NR4A2: variants seen among roughly 807,000 people sequenced by gnomAD.
NR4A2 encodes the protein NGFI-B/nur77 beta-type transcription factor homolog.
In NR4A2, 1 loss-of-function variant was observed where a neutral mutation model predicts 50.5. The observed-to-expected ratio is 0.02, with a 90% CI of 0.01 to 0.09. NR4A2 has a LOEUF of 0.09. NR4A2 is among the 10% of genes least tolerant of loss of function. The probability of loss-of-function intolerance (pLI) is 1.00; values close to 1 mark genes in which losing one functional copy is unlikely to be tolerated. For missense variants in NR4A2, 613 were observed against 777.3 expected, an observed-to-expected ratio of 0.79 and a Z score of 2.51; for synonymous variants, 328 against 309.4, an observed-to-expected ratio of 1.06 and a Z score of -0.63.
At position 156,324,909 on chromosome 2, in the gene NR4A2, A is replaced by C. The variant is rs907315268; in HGVS notation, c.*835T>G. ...TTTCTGATGTGTAATACTTGTGCCC[A>C]CCTATTTTACAATTGAGAAAATGTT... is the stretch of plus-strand genomic sequence containing the variant. On this transcript the variant is annotated 3_prime_UTR_variant, in exon 8 of 8. Transcript: ENST00000339562. 6.6e-6 allele frequency: 1 copy of C among 152,632 alleles called. No homozygotes were observed. The highest frequency in any genetic ancestry group is 1.5e-5 in the Non-Finnish European group (1 of 68,020). 9.5% of individuals were successfully genotyped at this position (152,632 alleles called of 1,614,324 possible). A position where few individuals can be genotyped will look rare whatever the true frequency, so the allele number is the denominator to read the frequency against.
At chr2:156,332,357 T>G in intron 1 of NR4A2, 123 bp downstream of exon 1, 1 of 805,200 alleles carries the variant, frequency 1.2e-6, no homozygotes, top group African/African-American at 1.8e-5. Flanking sequence ...TCGGTCCCAC[T>G]CTCACTAGAA....
In NR4A2 at chr2:156,328,645, A is replaced by C. The variant is rs868815167; in HGVS notation, c.865-112T>G. On this transcript the variant is annotated intron_variant, in intron 3 of 7. Transcript: ENST00000339562. The surrounding 1 kb of genome is among the most constrained non-coding windows in gnomAD (Gnocchi z 4.9). ...GGTCTACGATTCCTCCCCACAAACA[A>C]ACACATACACACAATTCCATTTTAT... 3.2e-6 allele frequency: 4 copies of C among 1,254,598 alleles called. No individual in the cohort carries two copies. Among genetic ancestry groups the C allele is most frequent in the Non-Finnish European group, 4.7e-6 (4 of 859,790 alleles). 77.7% of individuals were successfully genotyped at this position (1,254,598 alleles called of 1,614,324 possible). A position where few individuals can be genotyped will look rare whatever the true frequency, so the allele number is the denominator to read the frequency against.
At chr2:156,327,725 G>A (rs1424556038) in intron 5 of NR4A2, 126 bp downstream of exon 5, 9 of 1,156,882 alleles carry the variant, frequency 7.8e-6, no homozygotes, top group South Asian at 6.6e-5. Flanking sequence ...CCAGAGCTGC[G>A]AGGCATATAC....
Position 156,328,406 on chromosome 2 carries a change from T to C in NR4A2, c.992A>G (p.Glu331Gly). Residue 331 changes from glutamate to glycine, a missense_variant and splice_region_variant, in exon 4 of 8, where the codon GAA becomes GGA. Physicochemically the swap from Glu to Gly is moderately conservative, Grantham distance 98. Around this residue, in one of 4 missense-constraint regions of NR4A2, gnomAD observed 27 missense variants for 120.7 expected, o/e 0.22. Transcript: ENST00000339562. This position sits in a 1 kb window ranked among gnomAD's most constrained non-coding sequence, Gnocchi z 4.9. ...GTCGGCAGCTCCCCTCAGCCTACCTTCTTTGACCATCCCAACAGCCAGGCA... is the reference window on the plus strand; with the variant it reads ...GTCGGCAGCTCCCCTCAGCCTACCTCCTTTGACCATCCCAACAGCCAGGCA... ...QKCLAVGMVKEVVRTDSLKGR... is the reference protein window; with the variant it reads ...QKCLAVGMVKGVVRTDSLKGR... 6.2e-7 allele frequency: 1 copy of C among 1,614,134 alleles called. No homozygotes were observed. Among genetic ancestry groups the C allele is most frequent in the Non-Finnish European group, 8.5e-7 (1 of 1,180,014 alleles).
Position 156,330,095 on chromosome 2 carries a change from C to T in NR4A2, c.92G>A (p.Ser31Asn), listed in dbSNP as rs764305486. The T allele has an allele frequency of 4.3e-6, 7 of 1,614,034 alleles. No individual in the cohort carries two copies. Among genetic ancestry groups the T allele is most frequent in the African/African-American group, 1.3e-5 (1 of 74,886 alleles). ...SYSYHSSGEY[S>N]SDFLTPEFVK... ...AAACTCTGGAGTTAAGAAATCGGAG[C>T]TGTATTCTCCCGAAGAGTGGTAACT... The change falls in exon 3 of 8, where the codon AGC becomes AAC. Residue 31 changes from serine (S) to asparagine (N), a missense_variant. By Grantham distance (46) the Ser-to-Asn change is conservative. This residue lies in a region of NR4A2 where 61 missense variants were observed against 96.4 expected (regional missense o/e 0.63). Transcript: ENST00000339562.
In NR4A2 at chr2:156,326,352, G is replaced by A. The variant is rs966715111; in HGVS notation, c.1362-24C>T. The stretch of plus-strand genomic sequence containing the variant: ...ACCTGCAATTAATACCAAAGAGAGA[G>A]AGGGGAGAAAAAGAGAGAGAGAAAA... On this transcript the variant is annotated intron_variant, in intron 6 of 7. Transcript: ENST00000339562. This position sits in a 1 kb window ranked among gnomAD's most constrained non-coding sequence, Gnocchi z 4.2. 5.0e-6 allele frequency: 8 copies of A among 1,604,986 alleles called. No individual in the cohort carries two copies. Among genetic ancestry groups the A allele is most frequent in the Non-Finnish European group, 6.8e-6 (8 of 1,171,708 alleles).
chr2:156,325,972 T>C lies in NR4A2; in HGVS notation c.1569A>G (p.Arg523=). 1 of 1,614,184 alleles carries C rather than the reference T, an allele frequency of 6.2e-7. No homozygotes were observed. Among genetic ancestry groups the C allele is most frequent in the African/African-American group, 1.3e-5 (1 of 75,038 alleles). The change falls in exon 8 of 8, where the codon AGA becomes AGG. Residue 523 remains arginine, a synonymous_variant. Coordinates refer to ENST00000339562, the MANE Select transcript of NR4A2 (RefSeq NM_006186.4). ...TERHGLKEPK[R]VEELQNKIVN... ...CAATCTTGTTTTGCAGTTCTTCCAC[T>C]CTCTTGGGTTCCTTGAGCCCGTGTC... is the stretch of plus-strand genomic sequence containing the variant.
In NR4A2 at chr2:156,332,675, C is replaced by T. The variant is rs1686988779; in HGVS notation, c.-322G>A. On this transcript the variant is annotated 5_prime_UTR_variant, in exon 1 of 8. Coordinates refer to ENST00000339562, the MANE Select transcript of NR4A2 (RefSeq NM_006186.4). ...GACCGCGGAGCCGTGCGCGAGCCGCCGGGCGGACTGGCCCTGGCCGCCAAT... is the reference window on the plus strand; with the variant it reads ...GACCGCGGAGCCGTGCGCGAGCCGCTGGGCGGACTGGCCCTGGCCGCCAAT... 5.0e-6 allele frequency: 2 copies of T among 397,732 alleles called. No homozygotes were observed. The highest frequency in any genetic ancestry group is 3.3e-5 in the Admixed American group (1 of 30,436). The allele number at this position is 397,732 out of a possible 1,614,324, so 24.6% of individuals were successfully genotyped here.
At position 156,325,992 on chromosome 2, in the gene NR4A2, C is replaced by T. The variant is rs1157806294; in HGVS notation, c.1549G>A (p.Gly517Arg). ...TCCACTCTCTTGGGTTCCTTGAGCC[C>T]GTGTCTCTCTGCAGAAAACATAATC... ...AALAMVTERH[G>R]LKEPKRVEEL... The change falls in exon 8 of 8, where the codon GGG becomes AGG. Residue 517 changes from glycine to arginine, a missense_variant. By Grantham distance (125) the Gly-to-Arg change is moderately radical. Coordinates refer to ENST00000339562, the MANE Select transcript of NR4A2 (RefSeq NM_006186.4). 3 of 1,614,100 alleles carry T rather than the reference C, an allele frequency of 1.9e-6. No individual in the cohort carries two copies. Among genetic ancestry groups the T allele is most frequent in the South Asian group, 1.1e-5 (1 of 91,076 alleles).
rs772647221 is a variant in NR4A2, at chr2:156,327,989, G to C, written c.1020C>G (p.Gly340=). The change falls in exon 5 of 8, where the codon GGC becomes GGG. Residue 340 remains glycine, a synonymous_variant. Transcript: ENST00000339562. ...GTTTCGAGGGCAAACGACCTCTCCG[G>C]CCTTTTAAACTGTCTGTGCGAACCA... ...KEVVRTDSLK[G]RRGRLPSKPK... is the part of the protein sequence containing the mutation. The C allele has an allele frequency of 6.2e-7, 1 of 1,605,554 alleles. No individual in the cohort carries two copies. The highest frequency in any genetic ancestry group is 1.7e-5 in the Admixed American group (1 of 59,162).
Position 156,328,270 on chromosome 2 carries a change from C to G in NR4A2, c.994+134G>C. The G allele has an allele frequency of 1.4e-6, 2 of 1,446,330 alleles. No individual in the cohort carries two copies. The highest frequency in any genetic ancestry group is 1.4e-5 in the African/African-American group (1 of 71,558). The allele number at this position is 1,446,330 out of a possible 1,614,324, so 89.6% of individuals were successfully genotyped here. On this transcript the variant is annotated intron_variant, in intron 4 of 7. Coordinates refer to ENST00000339562, the MANE Select transcript of NR4A2 (RefSeq NM_006186.4). This position sits in a 1 kb window ranked among gnomAD's most constrained non-coding sequence, Gnocchi z 4.9. ...TAGGGAAGGCCGGGCAAGCAGGCAG[C>G]TGCAGGGTCCTGGAGGCCATACTGA...
At position 156,328,095 on chromosome 2, in the gene NR4A2, G is replaced by A. The variant is rs1686738351; in HGVS notation, c.995-81C>T. Reference sequence around the variant, plus strand: ...CCTCGGTCCCTCCCCGGGGAAGGCCGCAGCCGCGGGGCACCAGGCTGAGCG... The same window carrying A: ...CCTCGGTCCCTCCCCGGGGAAGGCCACAGCCGCGGGGCACCAGGCTGAGCG... On this transcript the variant is annotated intron_variant, in intron 4 of 7. Coordinates refer to ENST00000339562, the MANE Select transcript of NR4A2 (RefSeq NM_006186.4). This position sits in a 1 kb window ranked among gnomAD's most constrained non-coding sequence, Gnocchi z 4.9. 6.5e-7 allele frequency: 1 copy of A among 1,535,666 alleles called. No homozygotes were observed. The highest frequency in any genetic ancestry group is 1.4e-5 in the African/African-American group (1 of 73,036).
In NR4A2 at chr2:156,330,019, A is replaced by C. The variant is rs774722998; in HGVS notation, c.168T>G (p.Ser56=). 1 of 1,614,088 alleles carries C rather than the reference A, an allele frequency of 6.2e-7. No homozygotes were observed. Among genetic ancestry groups the C allele is most frequent in the Non-Finnish European group, 8.5e-7 (1 of 1,180,026 alleles). ...LTNTEITATT[S]LPSFSTFMDN... is the part of the protein sequence containing the mutation. The stretch of plus-strand genomic sequence containing the variant: ...CCATAAAGGTACTGAAGCTGGGGAG[A>C]GAAGTGGTGGCAGTGATTTCAGTGT... Residue 56 remains serine, a synonymous_variant, in exon 3 of 8, where the codon TCT becomes TCG. Transcript: ENST00000339562.
At position 156,326,796 on chromosome 2, in the gene NR4A2, G is replaced by C; in HGVS notation, c.1283C>G (p.Ala428Gly). The part of the protein sequence containing the change: ...RGWAEKIPGF[A>G]DLPKADQDLL... Reference sequence around the variant, plus strand: ...GTCTTGGTCGGCTTTGGGCAGGTCTGCGAAGCCAGGGATCTTCTCTGCCCA... The same window carrying C: ...GTCTTGGTCGGCTTTGGGCAGGTCTCCGAAGCCAGGGATCTTCTCTGCCCA... The change falls in exon 6 of 8, where the codon GCA (alanine) becomes GGA (glycine). Residue 428 changes from alanine (A) to glycine (G), a missense_variant. Transcript: ENST00000339562. The surrounding 1 kb of genome is among the most constrained non-coding windows in gnomAD (Gnocchi z 4.2). 1 of 1,614,222 alleles carries C rather than the reference G, an allele frequency of 6.2e-7. No homozygotes were observed. The highest frequency in any genetic ancestry group is 8.5e-7 in the Non-Finnish European group (1 of 1,180,044).
rs1686611495 is a variant in NR4A2, at chr2:156,325,694, G to A, written c.*50C>T. On this transcript the variant is annotated 3_prime_UTR_variant, in exon 8 of 8. Coordinates refer to ENST00000339562, the MANE Select transcript of NR4A2 (RefSeq NM_006186.4). ...CTGCCCATGTGACTTGCCCCCTCTT[G>A]ACAGTTTCCATTATCATTCCAGTTC... 1.2e-6 allele frequency: 2 copies of A among 1,611,516 alleles called. No homozygotes were observed. The highest frequency in any genetic ancestry group is 2.2e-5 in the South Asian group (2 of 90,512).
chr2:156,325,245 T>C lies in NR4A2; in HGVS notation c.*499A>G, dbSNP rs1686585573. ...CCACGCAACATTTAGTTTTACTATA[T>C]ATTACAGCTTTCTTTACAGCAGAAA... is the stretch of plus-strand genomic sequence containing the variant. On this transcript the variant is annotated 3_prime_UTR_variant, in exon 8 of 8. Transcript: ENST00000339562. 1 of 169,222 alleles carries C rather than the reference T, an allele frequency of 5.9e-6. No homozygotes were observed. Among genetic ancestry groups the C allele is most frequent in the African/African-American group, 2.4e-5 (1 of 41,732 alleles). 10.5% of individuals were successfully genotyped at this position (169,222 alleles called of 1,614,324 possible).
rs749953678 is a variant in NR4A2 at position 156,330,676 on chromosome 2, G to A, written c.-11C>T. ...AATGAAGTTGCACTAACCTTCAGCC[G>A]AGTTACAGGCGTTTTCGAGGAAATT... On this transcript the variant is annotated 5_prime_UTR_variant, in exon 2 of 8. Transcript: ENST00000339562. The A allele has an allele frequency of 6.3e-6, 8 of 1,273,376 alleles. No homozygotes were observed. The African/African-American group carries it at 7.6e-5, about 12-fold the overall frequency. 78.9% of individuals were successfully genotyped at this position (1,273,376 alleles called of 1,614,324 possible).
Position 156,326,301 on chromosome 2 carries a change from G to A in NR4A2, c.1389C>T (p.Ile463=). ...YRSNPVEGKL[I]FCNGVVLHRL... ...TGTGCAAGACCACCCCATTGCAAAA[G>A]ATGAGTTTACCCTCCACTGGGTTGG... The change falls in exon 7 of 8, where the codon ATC becomes ATT. Residue 463 remains isoleucine (I), a synonymous_variant. Transcript: ENST00000339562. The surrounding 1 kb of genome is among the most constrained non-coding windows in gnomAD (Gnocchi z 4.2). 6.2e-7 allele frequency: 1 copy of A among 1,614,198 alleles called. No individual in the cohort carries two copies. Among genetic ancestry groups the A allele is most frequent in the Non-Finnish European group, 8.5e-7 (1 of 1,180,016 alleles).
chr2:156,326,817 G>A lies in NR4A2; in HGVS notation c.1262C>T (p.Ala421Val). The A allele has an allele frequency of 6.2e-7, 1 of 1,614,198 alleles. No homozygotes were observed. The highest frequency in any genetic ancestry group is 8.5e-7 in the Non-Finnish European group (1 of 1,180,026). The change falls in exon 6 of 8, where the codon GCA becomes GTA. Residue 421 changes from alanine (A) to valine (V), a missense_variant. Ala to Val is a moderately conservative substitution (Grantham distance 64). Coordinates refer to ENST00000339562, the MANE Select transcript of NR4A2 (RefSeq NM_006186.4). This position sits in a 1 kb window ranked among gnomAD's most constrained non-coding sequence, Gnocchi z 4.2. ...TGSMEIIRGW[A>V]EKIPGFADLP... ...GTCTGCGAAGCCAGGGATCTTCTCT[G>A]CCCAGCCCCGGATGATCTCCATGGA...
Sources: gnomAD v4.1 joint callset for allele counts on GRCh38, gnomAD v4.1.1 for gene constraint, gnomAD v4.1.1 regional missense constraint, Gnocchi (gnomAD v3.1) non-coding constraint, MANE v1.5 for transcripts, NCBI Gene and HGNC (gene_info 2026-07-23, HGNC 2026-07-21) for gene names.